MGST1: variants seen among roughly 807,000 people sequenced by gnomAD.
MGST1 encodes the protein microsomal glutathione S-transferase 1.
MGST1 carries 5 observed loss-of-function variants against 8.9 expected under a neutral mutation model. That is an observed-to-expected ratio of 0.56 (90% CI 0.29 to 1.19). The LOEUF is 1.19. MGST1 is among the 50% of genes most tolerant of loss of function. The probability of loss-of-function intolerance (pLI) is 0.08; values close to 1 mark genes in which losing one functional copy is unlikely to be tolerated. For synonymous variants in MGST1, 54 were observed against 67.8 expected (o/e 0.80, Z 1.00); for missense variants, 182 against 187.4 (o/e 0.97, Z 0.17).
downstream of MGST1, among the ~76,000 whole-genome samples, chr12:16,379,096 G>A (rs1449346973): frequency 2.6e-5 from 4 of 152,076 alleles, no homozygotes; most frequent in Admixed American, 2.6e-4. Context: ...TCTGCAAACA[G>A]GGACAATTTG....
At chr12:16,564,593 G>C (rs1942525534) in intron 4 of MGST1, among the ~76,000 whole-genome samples, 1 of 152,130 alleles carries the variant, frequency 6.6e-6, no homozygotes, top group Admixed American at 6.5e-5. Flanking sequence ...TGTTTCTATA[G>C]ATTTTTTTAA....
chr12:16,592,508 C>T (rs1049770926), downstream of MGST1, among the ~76,000 whole-genome samples: 1 of 151,912 alleles, frequency 6.6e-6, no homozygotes, highest in African/African-American at 2.4e-5. Flanking sequence ...CTGTAAAATG[C>T]AAATAACCTG....
Position 16,548,548 on chromosome 12 carries a change from G to A in MGST1, n.483-40980G>A, listed in dbSNP as rs1941873384. The A allele has an allele frequency of 1.3e-5, 2 of 152,222 alleles. No homozygotes were observed. Among genetic ancestry groups the A allele is most frequent in the East Asian group, 1.9e-4 (1 of 5,178 alleles). The allele number at this position is 152,222 out of a possible 1,614,324, so 9.4% of individuals were successfully genotyped here. A position where few individuals can be genotyped will look rare whatever the true frequency, so the allele number is the denominator to read the frequency against. On this transcript the variant is annotated intron_variant and non_coding_transcript_variant, in intron 4 of 4. Coordinates refer to the MGST1 transcript ENST00000538857. This position sits in a 1 kb window ranked among gnomAD's most constrained non-coding sequence, Gnocchi z 4.2. ...GTCCTTCATCATAGGCAGCCTATGC[G>A]AGATGCATCTTAGGAAGGGAGCTTT... is the stretch of plus-strand genomic sequence containing the variant.
intron 1 of MGST1, among the ~76,000 whole-genome samples, chr12:16,412,929 C>T (rs1279932145): frequency 1.3e-5 from 2 of 152,084 alleles, no homozygotes; most frequent in Non-Finnish European, 1.5e-5. Flanking sequence ...AAAAGTCAAC[C>T]TTTAATGGGG....
rs569525603 is a variant in MGST1 at position 16,537,249 on chromosome 12, A to G, written n.483-52279A>G. Among the ~76,000 whole-genome samples the G allele has an allele frequency of 2.0e-5, 3 of 152,314 alleles. No individual in the cohort carries two copies. Among genetic ancestry groups the G allele is most frequent in the Non-Finnish European group, 2.9e-5 (2 of 68,022 alleles). On this transcript the variant is annotated intron_variant and non_coding_transcript_variant, in intron 4 of 4. Coordinates refer to the MGST1 transcript ENST00000538857. This position sits in a 1 kb window ranked among gnomAD's most constrained non-coding sequence, Gnocchi z 4.6. ...CTCCAAAATTATTTCCTTTGACTCC[A>G]TGTCTCACATCCAGGTCATGCTGAT... is the stretch of plus-strand genomic sequence containing the variant.
chr12:16,511,230 A>G (rs905031683), intron 4 of MGST1, among the ~76,000 whole-genome samples: 4 of 152,250 alleles, frequency 2.6e-5, no homozygotes, highest in Admixed American at 2.6e-4. Flanking sequence ...TCATTGATAT[A>G]ATTAACTGCC....
At chr12:16,563,455 T>C (rs554235138) in intron 4 of MGST1, among the ~76,000 whole-genome samples, 1 of 152,310 alleles carries the variant, frequency 6.6e-6, no homozygotes, top group Non-Finnish European at 1.5e-5. Context: ...TTCATATATG[T>C]CAATTAAGCA....
chr12:16,449,311 T>G (rs2137111189), intron 4 of MGST1, among the ~76,000 whole-genome samples: 2 of 151,868 alleles, frequency 1.3e-5, no homozygotes, highest in Admixed American at 1.3e-4. Flanking sequence ...TGCCATACAC[T>G]TTTAAGCAAT....
chr12:16,393,940 T>A (rs567470833), intron 1 of MGST1, among the ~76,000 whole-genome samples: 42 of 152,368 alleles, frequency 2.8e-4, no homozygotes, highest in Non-Finnish European at 4.9e-4. Context: ...ACATTTAGGC[T>A]GCTTCTAGTT....
intron 1 of MGST1, among the ~76,000 whole-genome samples, chr12:16,414,707 G>A (rs536510993): frequency 4.7e-4 from 71 of 152,216 alleles, no homozygotes; most frequent in African/African-American, 1.5e-3. Context: ...GAGCCACCGC[G>A]CCCGGCCAAG....
chr12:16,491,121 A>G (rs887521082), intron 4 of MGST1, among the ~76,000 whole-genome samples: 1 of 152,172 alleles, frequency 6.6e-6, no homozygotes, highest in Non-Finnish European at 1.5e-5. Flanking sequence ...AAGCTCAGCT[A>G]GGGGTATAAT....
intron 4 of MGST1, among the ~76,000 whole-genome samples, chr12:16,499,318 T>G (rs1014524376): frequency 6.6e-6 from 1 of 152,230 alleles, no homozygotes; most frequent in Admixed American, 6.5e-5. Context: ...TATCGTTTTC[T>G]CTATAAAGAA....
At chr12:16,541,885 C>T (rs1486563535) in intron 4 of MGST1, among the ~76,000 whole-genome samples, 1 of 152,134 alleles carries the variant, frequency 6.6e-6, no homozygotes, top group Non-Finnish European at 1.5e-5. Context: ...CTTTTGACTA[C>T]ATGTAACAGA....
intron 4 of MGST1, among the ~76,000 whole-genome samples, chr12:16,570,314 T>C (rs1344709172): frequency 6.6e-6 from 1 of 152,152 alleles, no homozygotes. Flanking sequence ...TACCTTCTTT[T>C]CTATCTTTCT....
chr12:16,500,769 G>T lies in MGST1; in HGVS notation n.483-88759G>T, dbSNP rs1460641063. On this transcript the variant is annotated intron_variant and non_coding_transcript_variant, in intron 4 of 4. Coordinates refer to the MGST1 transcript ENST00000538857. The surrounding 1 kb of genome is among the most constrained non-coding windows in gnomAD (Gnocchi z 4.3). ...ATCATAAGGGCAAAATCTATAGGGA[G>T]AAAAATCAGTGCATCTATTTATCGT... Among the ~76,000 whole-genome samples, 1 of 152,166 alleles carries T rather than the reference G, an allele frequency of 6.6e-6. No homozygotes were observed. The highest frequency in any genetic ancestry group is 1.5e-5 in the Non-Finnish European group (1 of 68,018).
intron 1 of MGST1, among the ~76,000 whole-genome samples, chr12:16,422,828 T>C (rs926212181): frequency 5.9e-5 from 9 of 152,206 alleles, no homozygotes; most frequent in Admixed American, 1.3e-4. Flanking sequence ...TTCCTGTATA[T>C]GAGCTCCAGG....
intron 1 of MGST1, among the ~76,000 whole-genome samples, chr12:16,394,073 T>TA (rs1189190988): frequency 6.6e-6 from 1 of 152,188 alleles, no homozygotes; most frequent in Non-Finnish European, 1.5e-5. Context: ...CATTTCCAAT[T>TA]ACACTAGGTA....
chr12:16,465,830 A>G (rs1427873690), intron 4 of MGST1, among the ~76,000 whole-genome samples: 1 of 152,192 alleles, frequency 6.6e-6, no homozygotes, highest in Non-Finnish European at 1.5e-5. Flanking sequence ...CCCTGGTGCC[A>G]AAACCCTTGG....
chr12:16,552,532 C>G (rs1255103164), intron 4 of MGST1, among the ~76,000 whole-genome samples: 1 of 151,972 alleles, frequency 6.6e-6, no homozygotes, highest in Non-Finnish European at 1.5e-5. Flanking sequence ...TTTTTTCCAA[C>G]TGGGTAGCTT....
Sources: gnomAD v4.1 joint callset for allele counts (sites outside exome capture counted in the v4.1 genomes callset) on GRCh38, gnomAD v4.1.1 for gene constraint, Gnocchi (gnomAD v3.1) non-coding constraint, MANE v1.5 for transcripts, NCBI Gene and HGNC (gene_info 2026-07-23, HGNC 2026-07-21) for gene names.